Variants in DNAJA3 observed in about 807,000 individuals in gnomAD.
DNAJA3 encodes the protein DnaJ heat shock protein family (Hsp40) member A3, also known as dnaJ homolog subfamily A member 3, mitochondrial.
Under a neutral mutation model 54.9 loss-of-function variants are expected in DNAJA3, and 29 were observed. That is an observed-to-expected ratio of 0.53 (90% CI 0.39 to 0.72). The LOEUF (loss-of-function observed/expected upper bound fraction) is 0.72, where lower values mean the gene tolerates loss of function less well. Ranked by LOEUF, DNAJA3 falls within the 30% of genes least tolerant of loss-of-function variation. DNAJA3 has a pLI of 0.00. For synonymous variants in DNAJA3, 302 were observed against 251.4 expected, an observed-to-expected ratio of 1.20 and a Z score of -1.90; for missense variants, 708 against 639.4, an observed-to-expected ratio of 1.11 and a Z score of -1.16.
At position 4,454,837 on chromosome 16, in the gene DNAJA3, G is replaced by C; in HGVS notation, c.1366G>C (p.Gly456Arg). ...TGGCAGCACCATGGATAGCTCCGCA[G>C]GAAGCAAGGCTAGGCGTGAGGCTGG... is the stretch of plus-strand genomic sequence containing the variant. ...SGGSTMDSSA[G>R]SKARREAGED... The change falls in exon 11 of 12, where the codon GGA becomes CGA. Residue 456 changes from glycine to arginine, a missense_variant. By Grantham distance (125) the Gly-to-Arg change is moderately radical. Coordinates refer to ENST00000262375, the MANE Select transcript of DNAJA3 (RefSeq NM_005147.6). 1 of 1,614,082 alleles carries C rather than the reference G, an allele frequency of 6.2e-7. No homozygotes were observed. The highest frequency in any genetic ancestry group is 1.1e-5 in the South Asian group (1 of 91,072).
intron 3 of DNAJA3, 28 bp downstream of exon 3, chr16:4,437,513 C>G: frequency 1.9e-6 from 3 of 1,587,714 alleles, no homozygotes; most frequent in Non-Finnish European, 2.6e-6. Flanking sequence ...CATGCGGTCA[C>G]TGCTGTTCAG....
intron 3 of DNAJA3, among the ~76,000 whole-genome samples, chr16:4,438,194 G>A (rs2056795031): frequency 6.6e-6 from 1 of 152,096 alleles, no homozygotes; most frequent in African/African-American, 2.4e-5. Context: ...GCATGCGCCT[G>A]TAGTCCCAGG....
rs968160187 is a variant in DNAJA3, at chr16:4,448,678, T to G, written c.1126-55T>G. 8 of 1,326,350 alleles carry G rather than the reference T, an allele frequency of 6.0e-6. No individual in the cohort carries two copies. In the African/African-American group the frequency reaches 1.0e-4, roughly 17 times the overall value. The allele number at this position is 1,326,350 out of a possible 1,614,324, so 82.2% of individuals were successfully genotyped here. On this transcript the variant is annotated intron_variant, in intron 8 of 11. Coordinates refer to ENST00000262375, the MANE Select transcript of DNAJA3 (RefSeq NM_005147.6). The stretch of plus-strand genomic sequence containing the variant: ...AAGATTGTCTTCATGTAGTGAAAAC[T>G]TTTTATTTGAGCAACTGGGGACCAG...
intron 3 of DNAJA3, among the ~76,000 whole-genome samples, chr16:4,438,571 A>C (rs1468132300): frequency 6.7e-6 from 1 of 149,864 alleles, no homozygotes. Context: ...GAAAACAGCT[A>C]TTGACCCCAC....
chr16:4,455,545 G>C lies in DNAJA3; in HGVS notation c.*14-1G>C. The C allele has an allele frequency of 6.4e-7, 1 of 1,551,826 alleles. No homozygotes were observed. The highest frequency in any genetic ancestry group is 8.7e-7 in the Non-Finnish European group (1 of 1,147,008). On this transcript the variant is annotated splice_acceptor_variant, in intron 11 of 11. Transcript: ENST00000262375. LOFTEE classifies it low-confidence loss of function (3UTR_SPLICE). ...GGTAACAGCCTATCTCTTTGGCTCA[G>C]GAAAAAGATCCACTGGAAACTAGGC...
intron 10 of DNAJA3, 31 bp downstream of exon 10, chr16:4,450,528 G>A (rs375081443): frequency 2.2e-5 from 34 of 1,554,136 alleles, no homozygotes; most frequent in African/African-American, 2.2e-4. Context: ...ATGGTGACAC[G>A]TGGGGGCCTC....
At chr16:4,429,717 C>G (rs1238047300) in intron 1 of DNAJA3, among the ~76,000 whole-genome samples, 2 of 152,082 alleles carry the variant, frequency 1.3e-5, no homozygotes, top group Non-Finnish European at 2.9e-5. Context: ...GCCTGTAAAC[C>G]CGGGTACTCG....
In DNAJA3 at chr16:4,449,524, C is replaced by T. The variant is rs138418806; in HGVS notation, c.1241+676C>T. On this transcript the variant is annotated intron_variant, in intron 9 of 11. Coordinates refer to ENST00000262375, the MANE Select transcript of DNAJA3 (RefSeq NM_005147.6). ...CCTCCCGAGTAGCTGGGACTACAGGCGCTTACCACCACGCCCAGCTAATTT... is the reference window on the plus strand; with the variant it reads ...CCTCCCGAGTAGCTGGGACTACAGGTGCTTACCACCACGCCCAGCTAATTT... 7.1e-3 allele frequency: 1,074 copies of T among 152,166 alleles called. 3 individuals carry two copies. Among genetic ancestry groups the T allele is most frequent in the Non-Finnish European group, 9.5e-3 (645 of 68,090 alleles). The allele number at this position is 152,166 out of a possible 1,614,324, so 9.4% of individuals were successfully genotyped here.
intron 3 of DNAJA3, 75 bp from the exon 4 acceptor site, chr16:4,441,300 T>C: frequency 7.3e-7 from 1 of 1,376,944 alleles, no homozygotes; most frequent in East Asian, 2.3e-5. Context: ...GCTGCCTTAT[T>C]TGCTGTGAAC....
Position 4,444,657 on chromosome 16 carries a change from C to A in DNAJA3, c.932-7C>A. 1.2e-6 allele frequency: 2 copies of A among 1,613,904 alleles called. No homozygotes were observed. Among genetic ancestry groups the A allele is most frequent in the Non-Finnish European group, 1.7e-6 (2 of 1,179,840 alleles). ...CCTAACTTCTCCCTTTCTAATGTCC[C>A]TTGTAGGAGTCGAGGATGGCCAGAC... On this transcript the variant is annotated splice_region_variant and splice_polypyrimidine_tract_variant and intron_variant, in intron 6 of 11. Coordinates refer to ENST00000262375, the MANE Select transcript of DNAJA3 (RefSeq NM_005147.6).
intron 10 of DNAJA3, among the ~76,000 whole-genome samples, chr16:4,452,602 C>G (rs554847374): frequency 6.6e-5 from 10 of 152,174 alleles, no homozygotes; most frequent in Non-Finnish European, 5.9e-5. Context: ...ACACTGTCAG[C>G]TCTTCCTTTT....
At chr16:4,435,399 G>A (rs962546004) in intron 2 of DNAJA3, among the ~76,000 whole-genome samples, 7 of 151,940 alleles carry the variant, frequency 4.6e-5, no homozygotes, top group Non-Finnish European at 1.0e-4. Flanking sequence ...ACAGTTCACT[G>A]GAGTTGTGCA....
intron 10 of DNAJA3, among the ~76,000 whole-genome samples, chr16:4,453,473 TGTCACCC>T: frequency 6.6e-6 from 1 of 151,958 alleles, no homozygotes; most frequent in East Asian, 1.9e-4. Flanking sequence ...AGTCTCACTC[TGTCACCC>T]GGGCCGGAGT....
At chr16:4,452,409 G>A (rs6500605) in intron 10 of DNAJA3, among the ~76,000 whole-genome samples, 93,424 of 151,760 alleles carry the variant, frequency 0.62, 29,522 homozygotes, top group Non-Finnish European at 0.69. Context: ...TGCTTACTCT[G>A]TTGGAGGTTG....
At chr16:4,448,876 C>A in intron 9 of DNAJA3, 28 bp downstream of exon 9, 1 of 1,559,816 alleles carries the variant, frequency 6.4e-7, no homozygotes, top group Non-Finnish European at 8.8e-7. Flanking sequence ...TGTGGCCAAG[C>A]CCGCCTGGTC....
intron 1 of DNAJA3, 116 bp from the exon 2 acceptor site, chr16:4,434,268 C>G (rs936475481): frequency 1.6e-5 from 20 of 1,236,934 alleles, no homozygotes; most frequent in Non-Finnish European, 2.0e-5. Context: ...GGGACACAGC[C>G]AAACCTTATC....
chr16:4,453,703 A>G (rs981687476), intron 10 of DNAJA3, among the ~76,000 whole-genome samples: 1 of 152,110 alleles, frequency 6.6e-6, no homozygotes, highest in African/African-American at 2.4e-5. Context: ...AAGTGCGGGG[A>G]TTACAGGCGT....
intron 3 of DNAJA3, among the ~76,000 whole-genome samples, chr16:4,438,452 C>T (rs1373022730): frequency 1.3e-5 from 2 of 152,148 alleles, no homozygotes; most frequent in Admixed American, 6.5e-5. Flanking sequence ...CCCCTTCCTC[C>T]ACCTCAGGGC....
At chr16:4,452,163 G>A (rs968550635) in intron 10 of DNAJA3, among the ~76,000 whole-genome samples, 1 of 152,104 alleles carries the variant, frequency 6.6e-6, no homozygotes, top group Non-Finnish European at 1.5e-5. Context: ...TACATATACT[G>A]TGTATATGTA....
Sources: allele counts gnomAD v4.1 joint callset (sites outside exome capture counted in the v4.1 genomes callset), GRCh38; gene constraint gnomAD v4.1.1; transcripts MANE v1.5; gene names NCBI Gene and HGNC (gene_info 2026-07-23, HGNC 2026-07-21).